UHRF1: variants seen among roughly 807,000 people sequenced by gnomAD.
UHRF1 encodes the protein ubiquitin like with PHD and ring finger domains 1, also known as E3 ubiquitin-protein ligase UHRF1.
A neutral mutation model predicts 96.5 loss-of-function variants in UHRF1; 9 were observed. The ratio of observed to expected loss-of-function variants is 0.09; its 90% confidence interval spans 0.06 to 0.16. The LOEUF (loss-of-function observed/expected upper bound fraction) is 0.16. UHRF1 is among the 10% of genes least tolerant of loss of function. The pLI is 1.00. For synonymous variants in UHRF1, 455 were observed against 469.9 expected (o/e 0.97, Z 0.41); for missense variants, 626 against 1,131.1 (o/e 0.55, Z 6.40).
chr19:4,922,812 C>T (rs970410775), intron 2 of UHRF1, among the ~76,000 whole-genome samples: 16 of 152,216 alleles, frequency 1.1e-4, no homozygotes, highest in African/African-American at 3.6e-4. Flanking sequence ...CCCCACTTCC[C>T]GCCCCATTTG....
At position 4,947,850 on chromosome 19, in the gene UHRF1, C is replaced by T. The variant is rs376061410; in HGVS notation, c.1517+639C>T. On this transcript the variant is annotated intron_variant, in intron 11 of 16. Transcript: ENST00000650932. ...TGGTGGCTCACGCCTGTAATTCTCGCGCTTCAGGAGGCCGAGGCTCGAGGA... is the reference window on the plus strand; with the variant it reads ...TGGTGGCTCACGCCTGTAATTCTCGTGCTTCAGGAGGCCGAGGCTCGAGGA... Among the ~76,000 whole-genome samples the T allele has an allele frequency of 1.3e-3, 194 of 152,054 alleles. 3 individuals carry two copies. The South Asian group carries it at 0.028, about 22-fold the overall frequency.
chr19:4,910,942 G>C lies in UHRF1; in HGVS notation c.57G>C (p.Leu19=), dbSNP rs758837143. 3.2e-5 allele frequency: 52 copies of C among 1,613,620 alleles called. No homozygotes were observed. The highest frequency in any genetic ancestry group is 4.3e-5 in the Non-Finnish European group (51 of 1,179,746). ...GGCAGACCCACACGGTGGACTCGCT[G>C]TCCAGGCTGACCAAGGTGGAGGAGC... ...DGRQTHTVDS[L]SRLTKVEELR... The change falls in exon 2 of 17, where the codon CTG becomes CTC. Residue 19 remains leucine (L), a synonymous_variant. Coordinates refer to ENST00000650932, the MANE Select transcript of UHRF1 (RefSeq NM_001048201.3).
chr19:4,953,283 C>G (rs2033767854), intron 13 of UHRF1, among the ~76,000 whole-genome samples: 2 of 152,178 alleles, frequency 1.3e-5, no homozygotes, highest in Non-Finnish European at 2.9e-5. Context: ...GTCCTCAGCA[C>G]ATGCTTGAAA....
chr19:4,918,576 G>A (rs1435574926), intron 2 of UHRF1, among the ~76,000 whole-genome samples: 2 of 150,688 alleles, frequency 1.3e-5, no homozygotes, highest in Non-Finnish European at 3.0e-5. Flanking sequence ...CACCATGCCC[G>A]GCTAATTTTG....
At position 4,929,447 on chromosome 19, in the gene UHRF1, T is replaced by C. The variant is rs753431280; in HGVS notation, c.379T>C (p.Trp127Arg). 3.1e-6 allele frequency: 5 copies of C among 1,613,246 alleles called. No homozygotes were observed. Among genetic ancestry groups the C allele is most frequent in the Non-Finnish European group, 4.2e-6 (5 of 1,179,792 alleles). ...TDSRPADEDM[W>R]DETELGLYKV... The stretch of plus-strand genomic sequence containing the variant: ...CAGCAGGCCAGCCGATGAGGACATG[T>C]GGGATGAGACGGAATTGGGGCTGTA... Residue 127 changes from tryptophan (W) to arginine (R), a missense_variant, in exon 3 of 17, where the codon TGG becomes CGG. Physicochemically the swap from Trp to Arg is moderately radical, Grantham distance 101 (BLOSUM62 -3). Transcript: ENST00000650932.
chr19:4,938,666 C>T (rs1301692971), intron 5 of UHRF1, among the ~76,000 whole-genome samples: 1 of 146,798 alleles, frequency 6.8e-6, no homozygotes, highest in Non-Finnish European at 1.5e-5. Context: ...GTCTCGGCCT[C>T]TCAAAGTGCT....
At chr19:4,921,658 G>A (rs916537372) in intron 2 of UHRF1, among the ~76,000 whole-genome samples, 9 of 152,080 alleles carry the variant, frequency 5.9e-5, no homozygotes, top group African/African-American at 1.9e-4. Flanking sequence ...TGGAGGGGCC[G>A]AGGCGGGAGG....
chr19:4,941,356 C>A (rs907142162), intron 5 of UHRF1, among the ~76,000 whole-genome samples, 172 bp from the exon 6 acceptor site: 1 of 152,016 alleles, frequency 6.6e-6, no homozygotes, highest in African/African-American at 2.4e-5. Flanking sequence ...CAGGCGTGAG[C>A]CACTGCGCCC....
intron 16 of UHRF1, among the ~76,000 whole-genome samples, chr19:4,957,528 T>TC (rs1198308674): frequency 6.6e-6 from 1 of 152,234 alleles, no homozygotes; most frequent in East Asian, 1.9e-4. Context: ...CAGGATGGTT[T>TC]CGATCTCCTG....
chr19:4,907,704 C>CTTT (rs59867968), upstream of UHRF1, among the ~76,000 whole-genome samples: 8 of 47,702 alleles, frequency 1.7e-4, no homozygotes, highest in Non-Finnish European at 2.5e-4. Context: ...TTGGCCTGAT[C>CTTT]TTTTTTTTTT....
At chr19:4,950,795 C>CG (rs1262290848) in intron 12 of UHRF1, 22 bp downstream of exon 12, 1 of 1,613,498 alleles carries the variant, frequency 6.2e-7, no homozygotes, top group African/African-American at 1.3e-5. Context: ...TTGAGGAGGC[C>CG]GGGGGCTCTG....
Position 4,947,048 on chromosome 19 carries a change from C to T in UHRF1, c.1411-57C>T, listed in dbSNP as rs1049265522. On this transcript the variant is annotated intron_variant, in intron 10 of 16. Transcript: ENST00000650932. The stretch of plus-strand genomic sequence containing the variant: ...CTGGGGAGTTTGCTTTCAATGCAGT[C>T]TCTTTTTTTTTTTTTGCCTCTGCAG... 13 of 1,333,696 alleles carry T rather than the reference C, an allele frequency of 9.7e-6. No individual in the cohort carries two copies. The African/African-American group carries it at 1.2e-4, about 12-fold the overall frequency. The allele number at this position is 1,333,696 out of a possible 1,614,324, so 82.6% of individuals were successfully genotyped here.
chr19:4,915,946 A>C (rs571457698), intron 2 of UHRF1, among the ~76,000 whole-genome samples: 4 of 152,252 alleles, frequency 2.6e-5, no homozygotes, highest in Admixed American at 2.6e-4. Flanking sequence ...GACCCTTTAC[A>C]TCATCCAGAA....
In UHRF1 at chr19:4,929,311, C is replaced by T. The variant is rs996429029; in HGVS notation, c.243C>T (p.His81=). 6.2e-7 allele frequency: 1 copy of T among 1,613,768 alleles called. No homozygotes were observed. Among genetic ancestry groups the T allele is most frequent in the African/African-American group, 1.3e-5 (1 of 74,952 alleles). Residue 81 remains histidine, a synonymous_variant, in exon 3 of 17, where the codon CAC becomes CAT. Transcript: ENST00000650932. Reference sequence around the variant, plus strand: ...TCCGCCAGAGCCTCGTGCTCCCCCACAGCACCAAGGAGCGGGACTCCGAGC... The same window carrying T: ...TCCGCCAGAGCCTCGTGCTCCCCCATAGCACCAAGGAGCGGGACTCCGAGC... ...LLVRQSLVLP[H]STKERDSELS... is the part of the protein sequence containing the mutation.
intron 7 of UHRF1, among the ~76,000 whole-genome samples, chr19:4,943,228 G>A (rs1377725706): frequency 2.6e-5 from 4 of 151,608 alleles, no homozygotes; most frequent in Non-Finnish European, 5.9e-5. Context: ...GACAGAGTGA[G>A]ACTAAGTCTC....
chr19:4,939,633 G>A (rs527520822), intron 5 of UHRF1, among the ~76,000 whole-genome samples: 1 of 152,126 alleles, frequency 6.6e-6, no homozygotes, highest in African/African-American at 2.4e-5. Context: ...CCTGTGAGCT[G>A]GTAGGTCAGT....
At chr19:4,958,278 G>A (rs17883579) in intron 16 of UHRF1, among the ~76,000 whole-genome samples, 1 of 152,230 alleles carries the variant, frequency 6.6e-6, no homozygotes, top group African/African-American at 2.4e-5. Flanking sequence ...CCTCTCAGGC[G>A]TGCAGGCACT....
At chr19:4,939,943 G>A (rs993654710) in intron 5 of UHRF1, among the ~76,000 whole-genome samples, 3 of 150,410 alleles carry the variant, frequency 2.0e-5, no homozygotes, top group South Asian at 2.1e-4. Flanking sequence ...AGAGTGGCGT[G>A]AACCCGGGAG....
chr19:4,946,579 GTTTT>G (rs150003603), intron 10 of UHRF1, among the ~76,000 whole-genome samples: 5 of 145,440 alleles, frequency 3.4e-5, no homozygotes, highest in African/African-American at 1.3e-4. Context: ...GTTGAGTGTT[GTTTT>G]TTTTTTTTCT....
Sources: allele counts gnomAD v4.1 joint callset (sites outside exome capture counted in the v4.1 genomes callset), GRCh38; gene constraint gnomAD v4.1.1; transcripts MANE v1.5; gene names NCBI Gene and HGNC (gene_info 2026-07-23, HGNC 2026-07-21).